NIPSNAP3B: variants seen among roughly 807,000 people sequenced by gnomAD.
NIPSNAP3B encodes the protein protein NipSnap homolog 3B.
NIPSNAP3B carries 30 observed loss-of-function variants against 31.5 expected under a neutral mutation model. That is an observed-to-expected ratio of 0.95 (90% CI 0.71 to 1.29). NIPSNAP3B has a LOEUF of 1.29. Ranked by LOEUF, NIPSNAP3B falls within the 50% of genes most tolerant of loss-of-function variation. The probability of loss-of-function intolerance (pLI) is 0.00; values close to 1 mark genes in which losing one functional copy is unlikely to be tolerated. For missense variants in NIPSNAP3B, 269 were observed against 300.7 expected (o/e 0.89, Z 0.78); for synonymous variants, 106 against 107.9 (o/e 0.98, Z 0.11).
chr9:104,789,250 A>G, the NIPSNAP3B span, among the ~76,000 whole-genome samples: 6 of 152,330 alleles, frequency 3.9e-5, no homozygotes, highest in South Asian at 8.3e-4. Context: ...CCTCACAGCT[A>G]TACCAACCAA....
At chr9:104,779,920 A>T (rs1424201290), downstream of NIPSNAP3B, among the ~76,000 whole-genome samples, 3 of 152,176 alleles carry the variant, frequency 2.0e-5, no homozygotes, top group African/African-American at 7.2e-5. Flanking sequence ...AGTACCAGCT[A>T]CTTGGGAAGC....
At chr9:104,770,054 G>GA (rs2118792642) in intron 3 of NIPSNAP3B, among the ~76,000 whole-genome samples, 1 of 152,228 alleles carries the variant, frequency 6.6e-6, no homozygotes, top group East Asian at 1.9e-4. Flanking sequence ...GAAAAGTCTT[G>GA]TTTGGATTCT....
In NIPSNAP3B at chr9:104,768,968, C is replaced by T. The variant is rs763630473; in HGVS notation, c.377C>T (p.Thr126Met). The change falls in exon 3 of 6, where the codon ACG becomes ATG. Residue 126 changes from threonine (T) to methionine (M), a missense_variant. Transcript: ENST00000374762. ...TTGGCTCGCATTGATAAACAAGAGA[C>T]GGAAATTACTTACCTGATACCATGG... ...PNLARIDKQE[T>M]EITYLIPWSK... 1.6e-5 allele frequency: 26 copies of T among 1,613,550 alleles called. No individual in the cohort carries two copies. The highest frequency in any genetic ancestry group is 1.6e-4 in the Middle Eastern group (1 of 6,082).
chr9:104,786,673 A>G, the NIPSNAP3B span, among the ~76,000 whole-genome samples: 15 of 152,338 alleles, frequency 9.8e-5, no homozygotes, highest in African/African-American at 3.4e-4. Context: ...ACTTGGAATA[A>G]TGTTTACAAT....
At chr9:104,779,622 T>G (rs12000659), downstream of NIPSNAP3B, among the ~76,000 whole-genome samples, 315 of 6,656 alleles carry the variant, frequency 0.047, 2 homozygotes, top group Admixed American at 0.21. Context: ...GCTAAGTGGG[T>G]TTTTTTTTTT....
At chr9:104,764,418 G>T in intron 1 of NIPSNAP3B, 118 bp downstream of exon 1, 1 of 832,392 alleles carries the variant, frequency 1.2e-6, no homozygotes, top group South Asian at 2.0e-5. Context: ...CCGCGCCGCC[G>T]CCGAAGTTCT....
chr9:104,785,484 G>A, the NIPSNAP3B span: 14 of 1,613,928 alleles, frequency 8.7e-6, no homozygotes, highest in African/African-American at 1.6e-4. Flanking sequence ...CCTGGCCAGA[G>A]AAGATAATGA....
At chr9:104,769,625 AGT>A (rs1828168285) in intron 3 of NIPSNAP3B, among the ~76,000 whole-genome samples, 2 of 152,206 alleles carry the variant, frequency 1.3e-5, no homozygotes, top group African/African-American at 4.8e-5. Flanking sequence ...CAGGTGAAAA[AGT>A]GGGGCTTGGG....
rs753778578 is a variant in NIPSNAP3B at position 104,777,694 on chromosome 9, C to T, written c.*4621C>T. ...ACAGCAGAATCAAAAAGGAAGGGCA[C>T]GATGATGCCCAGGTGCAGCCTATAT... On this transcript the variant is annotated 3_prime_UTR_variant, in exon 6 of 6. Transcript: ENST00000374762. Among the ~76,000 whole-genome samples, 73 of 152,132 alleles carry T rather than the reference C, an allele frequency of 4.8e-4. No individual in the cohort carries two copies. The highest frequency in any genetic ancestry group is 1.6e-4 in the Non-Finnish European group (11 of 68,030).
the NIPSNAP3B span, chr9:104,785,371 A>T: frequency 6.2e-7 from 1 of 1,613,554 alleles, no homozygotes. Flanking sequence ...TGAGAAGTAA[A>T]TCTGTTTTGA....
At chr9:104,782,875 G>A in the NIPSNAP3B span, 49,456 of 149,952 alleles carry the variant, frequency 0.33, 8,824 homozygotes, top group East Asian at 0.76. Context: ...AGGCTGCCCA[G>A]TATTGTTACA....
the NIPSNAP3B span, chr9:104,785,486 A>C: frequency 1.6e-4 from 265 of 1,614,164 alleles, 1 homozygote; most frequent in African/African-American, 3.3e-3. Context: ...TGGCCAGAGA[A>C]GATAATGAAG....
downstream of NIPSNAP3B, among the ~76,000 whole-genome samples, chr9:104,777,966 A>G (rs1828371707): frequency 6.6e-6 from 1 of 152,138 alleles, no homozygotes; most frequent in African/African-American, 2.4e-5. Context: ...GCCTTTACTC[A>G]TTTACATTCC....
the NIPSNAP3B span, chr9:104,783,962 T>C: frequency 7.7e-5 from 16 of 207,832 alleles, no homozygotes; most frequent in Non-Finnish European, 1.4e-4. Flanking sequence ...TGATGAATTA[T>C]TGTTGCAACC....
At chr9:104,787,178 G>A in the NIPSNAP3B span, among the ~76,000 whole-genome samples, 1 of 152,014 alleles carries the variant, frequency 6.6e-6, no homozygotes, top group African/African-American at 2.4e-5. Flanking sequence ...TATTGATGCA[G>A]GAAACTCAAA....
chr9:104,788,710 C>A, the NIPSNAP3B span: 1 of 1,111,016 alleles, frequency 9.0e-7, no homozygotes, highest in Non-Finnish European at 1.3e-6. Context: ...CACAGCCTTT[C>A]TGCCCCCAGG....
chr9:104,766,360 C>A lies in NIPSNAP3B; in HGVS notation c.96C>A (p.Tyr32Ter), dbSNP rs775906437. ...CSSFATGPRQYDGTFYEFRTY... is the reference protein window; with the variant it reads ...CSSFATGPRQ ...CTTTTGCTACGGGCCCTAGACAATA[C>A]GATGGAACGTTCTATGAATTTCGTA... is the stretch of plus-strand genomic sequence containing the variant. The change falls in exon 2 of 6, where the codon TAC becomes TAA. Residue 32 changes from tyrosine (Y) to a stop codon, truncating the protein, a stop_gained. Coordinates refer to ENST00000374762, the MANE Select transcript of NIPSNAP3B (RefSeq NM_018376.4). LOFTEE classifies it high-confidence loss of function. 6.2e-7 allele frequency: 1 copy of A among 1,613,616 alleles called. No individual in the cohort carries two copies. The highest frequency in any genetic ancestry group is 8.5e-7 in the Non-Finnish European group (1 of 1,179,642).
chr9:104,766,319 C>G lies in NIPSNAP3B; in HGVS notation c.61-6C>G, dbSNP rs1336587402. 1 of 1,612,020 alleles carries G rather than the reference C, an allele frequency of 6.2e-7. No individual in the cohort carries two copies. Among genetic ancestry groups the G allele is most frequent in the Admixed American group, 1.7e-5 (1 of 59,980 alleles). ...AAGATATTTACATTTGTCTTACCTC[C>G]TTCAGGTGTGTTCATCTTTTGCTAC... On this transcript the variant is annotated splice_region_variant and splice_polypyrimidine_tract_variant and intron_variant, in intron 1 of 5. Transcript: ENST00000374762.
the NIPSNAP3B span, among the ~76,000 whole-genome samples, chr9:104,790,063 T>G: frequency 1.6e-4 from 24 of 149,744 alleles, no homozygotes; most frequent in Non-Finnish European, 2.5e-4. Context: ...GCCATTGCTC[T>G]CCAGCCTGGG....
Sources: allele counts gnomAD v4.1 joint callset (sites outside exome capture counted in the v4.1 genomes callset), GRCh38; gene constraint gnomAD v4.1.1; transcripts MANE v1.5; gene names NCBI Gene and HGNC (gene_info 2026-07-23, HGNC 2026-07-21).